Variants in PHACTR4 observed in about 807,000 individuals in gnomAD.
PHACTR4 encodes the protein phosphatase and actin regulator 4.
In PHACTR4, 51 loss-of-function variants were observed where a neutral mutation model predicts 72.7. That is an observed-to-expected ratio of 0.70 (90% CI 0.56 to 0.89). The LOEUF (loss-of-function observed/expected upper bound fraction) is 0.89, where lower values mean the gene tolerates loss of function less well. Among genes scored for constraint, PHACTR4 ranks in the 40% least tolerant of loss-of-function variants. PHACTR4 has a pLI of 0.00. For missense variants in PHACTR4, 731 were observed against 861.8 expected, an observed-to-expected ratio of 0.85 and a Z score of 1.90; for synonymous variants, 255 against 302.5, an observed-to-expected ratio of 0.84 and a Z score of 1.63.
At position 28,438,040 on chromosome 1, in the gene PHACTR4, CG is replaced by C. The variant is rs1376453305; in HGVS notation, c.17-21040del. On this transcript the variant is annotated intron_variant, in intron 2 of 13. Transcript: ENST00000373839. ...TGCAGCCAAGCTCAAAAGTCAGGAA[CG>C]GGGGTGTGGACTTTTGGGCTATGCC... The C allele has an allele frequency of 2.3e-4, 152 of 664,810 alleles. 1 individual carries two copies. In the African/African-American group the frequency reaches 2.8e-3, roughly 12 times the overall value. 41.2% of individuals were successfully genotyped at this position (664,810 alleles called of 1,614,324 possible).
chr1:28,456,848 C>T (rs1163037001), intron 2 of PHACTR4, among the ~76,000 whole-genome samples: 2 of 152,072 alleles, frequency 1.3e-5, no homozygotes, highest in Admixed American at 1.3e-4. Context: ...GATTGTGCCA[C>T]TGCACTCCAT....
chr1:28,457,088 T>C (rs915649452), intron 2 of PHACTR4, among the ~76,000 whole-genome samples: 3 of 152,188 alleles, frequency 2.0e-5, no homozygotes, highest in Admixed American at 2.0e-4. Context: ...GGATGCTATT[T>C]TGCCTAAGTC....
At position 28,451,077 on chromosome 1, in the gene PHACTR4, C is replaced by T. The variant is rs148581854; in HGVS notation, c.17-8008C>T. 2.8e-4 allele frequency among the ~76,000 whole-genome samples: 42 copies of T among 150,604 alleles called. No individual in the cohort carries two copies. In the East Asian group the frequency reaches 8.0e-3, roughly 29 times the overall value. On this transcript the variant is annotated intron_variant, in intron 2 of 13. Coordinates refer to ENST00000373839, the MANE Select transcript of PHACTR4 (RefSeq NM_001048183.3). Reference sequence around the variant, plus strand: ...TCAAGTGACCCGCCCACCTCGGCCTCCCAAAATGCTAGGATTATAGGCACG... The same window carrying T: ...TCAAGTGACCCGCCCACCTCGGCCTTCCAAAATGCTAGGATTATAGGCACG...
At chr1:28,485,043 CTAACAACATA>C (rs1222245434) in intron 9 of PHACTR4, among the ~76,000 whole-genome samples, 2 of 152,096 alleles carry the variant, frequency 1.3e-5, no homozygotes, top group Non-Finnish European at 2.9e-5. Flanking sequence ...CTCCAATATG[CTAACAACATA>C]GTCAAACCTT....
At chr1:28,477,756 C>T (rs114986728) in intron 8 of PHACTR4, among the ~76,000 whole-genome samples, 13,484 of 151,970 alleles carry the variant, frequency 0.089, 1,292 homozygotes, top group African/African-American at 0.24. Context: ...GGCACAATCT[C>T]AGCTCAATGG....
intron 2 of PHACTR4, among the ~76,000 whole-genome samples, chr1:28,441,208 CTTTT>C (rs888165675): frequency 4.0e-5 from 6 of 150,530 alleles, no homozygotes; most frequent in Non-Finnish European, 7.4e-5. Context: ...AGGCATACTT[CTTTT>C]TTTTTAATTT....
rs142451856 is a variant in PHACTR4, at chr1:28,446,500, G to A, written c.17-12585G>A. ...TCTGGTCATTTAAAAGTGTGTGGAG[G>A]CTGGGTGCAGTGGCTCATGCCTGTA... On this transcript the variant is annotated intron_variant, in intron 2 of 13. Transcript: ENST00000373839. 1.8e-3 allele frequency among the ~76,000 whole-genome samples: 272 copies of A among 152,290 alleles called. 1 individual carries two copies. The highest frequency in any genetic ancestry group is 3.0e-3 in the Non-Finnish European group (206 of 68,016).
intron 1 of PHACTR4, among the ~76,000 whole-genome samples, chr1:28,382,977 G>T (rs1652301147): frequency 6.6e-6 from 1 of 152,064 alleles, no homozygotes; most frequent in Non-Finnish European, 1.5e-5. Flanking sequence ...ATTTTCAGTA[G>T]AGACAGGGTT....
chr1:28,371,621 T>C (rs1399727522), intron 1 of PHACTR4, among the ~76,000 whole-genome samples: 1 of 151,178 alleles, frequency 6.6e-6, no homozygotes, highest in Non-Finnish European at 1.5e-5. Flanking sequence ...TTTTTTGAAA[T>C]AGGGTCTCGC....
intron 2 of PHACTR4, among the ~76,000 whole-genome samples, chr1:28,452,651 C>G (rs572135806): frequency 1.0e-4 from 15 of 149,820 alleles, no homozygotes; most frequent in African/African-American, 3.2e-4. Context: ...CTAAGATTAG[C>G]TGGGCGTGGT....
intron 1 of PHACTR4, among the ~76,000 whole-genome samples, chr1:28,404,007 A>G (rs945524823): frequency 1.4e-4 from 21 of 152,316 alleles, no homozygotes; most frequent in African/African-American, 4.6e-4. Flanking sequence ...GCTATTATGA[A>G]TAATGCTGCT....
intron 4 of PHACTR4, among the ~76,000 whole-genome samples, chr1:28,465,476 C>T (rs1017708092): frequency 6.6e-6 from 1 of 151,944 alleles, no homozygotes; most frequent in East Asian, 1.9e-4. Flanking sequence ...TCTGGCCAGG[C>T]GCAGTGATTC....
intron 1 of PHACTR4, among the ~76,000 whole-genome samples, chr1:28,393,300 G>C (rs957684754): frequency 1.3e-5 from 2 of 152,112 alleles, no homozygotes; most frequent in East Asian, 3.8e-4. Context: ...TTATATACTT[G>C]GGAGAAGGGT....
chr1:28,409,951 A>ATTTTTTTTTTTTTT (rs57186471), intron 2 of PHACTR4, among the ~76,000 whole-genome samples: 4 of 66,362 alleles, frequency 6.0e-5, no homozygotes, highest in African/African-American at 1.9e-4. Context: ...TTCTTCATAA[A>ATTTTTTTTTTTTTT]TTTTTTTTTT....
At chr1:28,436,870 A>C (rs781750687) in intron 2 of PHACTR4, among the ~76,000 whole-genome samples, 1 of 152,224 alleles carries the variant, frequency 6.6e-6, no homozygotes, top group Non-Finnish European at 1.5e-5. Context: ...TATGCCCAGC[A>C]TGTAGGGCTA....
At chr1:28,425,454 T>A (rs1655777761) in intron 2 of PHACTR4, among the ~76,000 whole-genome samples, 1 of 152,228 alleles carries the variant, frequency 6.6e-6, no homozygotes, top group African/African-American at 2.4e-5. Flanking sequence ...TTGAAGAGGT[T>A]TGATATAAAC....
chr1:28,387,011 C>G (rs1017061748), intron 1 of PHACTR4, among the ~76,000 whole-genome samples: 1 of 151,844 alleles, frequency 6.6e-6, no homozygotes, highest in Non-Finnish European at 1.5e-5. Flanking sequence ...GCCTGTAATC[C>G]CAGCACTTTG....
chr1:28,403,830 C>T (rs1253332231), intron 1 of PHACTR4, among the ~76,000 whole-genome samples: 4 of 152,008 alleles, frequency 2.6e-5, no homozygotes, highest in East Asian at 1.9e-4. Flanking sequence ...TGGAATAATA[C>T]GCTGCATGGT....
chr1:28,402,511 G>A (rs12135690), intron 1 of PHACTR4, among the ~76,000 whole-genome samples: 57,884 of 151,900 alleles, frequency 0.38, 12,572 homozygotes, highest in African/African-American at 0.59. Context: ...CAACACTTTG[G>A]GAGGCCAAGA....
Sources: gnomAD v4.1 joint callset for allele counts (sites outside exome capture counted in the v4.1 genomes callset) on GRCh38, gnomAD v4.1.1 for gene constraint, MANE v1.5 for transcripts, NCBI Gene and HGNC (gene_info 2026-07-23, HGNC 2026-07-21) for gene names.